Variants in SPATC1L observed in about 807,000 individuals in gnomAD.
SPATC1L encodes spermatogenesis and centriole associated 1 like.
A neutral mutation model predicts 21.2 loss-of-function variants in SPATC1L; 20 were observed. The observed-to-expected ratio is 0.94, with a 90% CI of 0.66 to 1.37. SPATC1L has a LOEUF of 1.37. SPATC1L is among the 40% of genes most tolerant of loss of function. SPATC1L has a pLI of 0.00. For missense variants in SPATC1L, 499 were observed against 478.7 expected, an observed-to-expected ratio of 1.04 and a Z score of -0.40; for synonymous variants, 290 against 234.5, an observed-to-expected ratio of 1.24 and a Z score of -2.16.
chr21:46,161,518 G>A lies in SPATC1L; in HGVS notation c.884C>T (p.Pro295Leu), dbSNP rs1257472034. The A allele has an allele frequency of 6.2e-7, 1 of 1,609,972 alleles. No homozygotes were observed. The highest frequency in any genetic ancestry group is 8.5e-7 in the Non-Finnish European group (1 of 1,178,742). Reference sequence around the variant, plus strand: ...CAGCGCGGCCGGGCTGCTGTGCAGGGGGTTGGCGCGCAGGTCGGGCCGCTG... The same window carrying A: ...CAGCGCGGCCGGGCTGCTGTGCAGGAGGTTGGCGCGCAGGTCGGGCCGCTG... ...LKQRPDLRANPLHSSPAALRK... is the reference protein window; with the variant it reads ...LKQRPDLRANLLHSSPAALRK... Residue 295 changes from proline to leucine, a missense_variant, in exon 5 of 5, where the codon CCC (proline) becomes CTC (leucine). Coordinates refer to ENST00000291672, the MANE Select transcript of SPATC1L (RefSeq NM_001142854.2).
At chr21:46,162,262 C>T (rs1375040459) in intron 3 of SPATC1L, among the ~76,000 whole-genome samples, 195 bp from the exon 4 acceptor site, 1 of 152,166 alleles carries the variant, frequency 6.6e-6, no homozygotes, top group Non-Finnish European at 1.5e-5. Context: ...GCCTTCCCTT[C>T]CCCCTGTCCT....
At chr21:46,184,209 C>T (rs1299861213) in intron 1 of SPATC1L, 147 bp downstream of exon 1, 1 of 153,974 alleles carries the variant, frequency 6.5e-6, no homozygotes, top group African/African-American at 2.4e-5. Context: ...TGAGGACGCC[C>T]CCAACCCATG....
At position 46,184,400 on chromosome 21, in the gene SPATC1L, C is replaced by A; in HGVS notation, c.-1003G>T. 6.3e-6 allele frequency: 1 copy of A among 158,950 alleles called. No homozygotes were observed. The highest frequency in any genetic ancestry group is 1.4e-5 in the Non-Finnish European group (1 of 71,468). 9.8% of individuals were successfully genotyped at this position (158,950 alleles called of 1,614,324 possible). A position where few individuals can be genotyped will look rare whatever the true frequency, so the allele number is the denominator to read the frequency against. On this transcript the variant is annotated 5_prime_UTR_variant, in exon 1 of 5. Coordinates refer to ENST00000291672, the MANE Select transcript of SPATC1L (RefSeq NM_001142854.2). ...TCCGAGGGTCTTGTTTTATCAGCAG[C>A]CGGGATGCAACAGATGGGTCATCTC...
Position 46,182,852 on chromosome 21 carries a change from G to A in SPATC1L, c.-36C>T, listed in dbSNP as rs2079687057. On this transcript the variant is annotated 5_prime_UTR_variant, in exon 2 of 5. The change creates a premature stop within an existing upstream ORF in the 5' untranslated region. Transcript: ENST00000291672. ...TCCCTCCTTGTCCCTCACGGCTCCT[G>A]CAGCCCCATGGAGGTGGGAGCCCAG... The A allele has an allele frequency of 2.0e-6, 3 of 1,480,608 alleles. No homozygotes were observed. Among genetic ancestry groups the A allele is most frequent in the Admixed American group, 2.2e-5 (1 of 45,884 alleles). 91.7% of individuals were successfully genotyped at this position (1,480,608 alleles called of 1,614,324 possible).
In SPATC1L at chr21:46,161,303, G is replaced by T; in HGVS notation, c.*76C>A. ...GACGCGGCCCTTTCCCCTCCGGGGGGACGCGCAGGAGGCACCGCGGCCCCG... is the reference window on the plus strand; with the variant it reads ...GACGCGGCCCTTTCCCCTCCGGGGGTACGCGCAGGAGGCACCGCGGCCCCG... On this transcript the variant is annotated 3_prime_UTR_variant, in exon 5 of 5. Coordinates refer to ENST00000291672, the MANE Select transcript of SPATC1L (RefSeq NM_001142854.2). The T allele has an allele frequency of 7.4e-7, 1 of 1,349,450 alleles. No individual in the cohort carries two copies. Among genetic ancestry groups the T allele is most frequent in the Non-Finnish European group, 9.7e-7 (1 of 1,028,444 alleles). The allele number at this position is 1,349,450 out of a possible 1,614,324, so 83.6% of individuals were successfully genotyped here.
chr21:46,183,382 CT>C lies in SPATC1L; in HGVS notation c.-567del, dbSNP rs2079693110. The C allele has an allele frequency of 1.2e-5, 2 of 163,994 alleles. No individual in the cohort carries two copies. The highest frequency in any genetic ancestry group is 3.2e-5 in the African/African-American group (1 of 31,476). The allele number at this position is 163,994 out of a possible 1,614,324, so 10.2% of individuals were successfully genotyped here. A position where few individuals can be genotyped will look rare whatever the true frequency, so the allele number is the denominator to read the frequency against. The stretch of plus-strand genomic sequence containing the variant: ...GCACCCACACTTGAGGAGGGAGGGA[CT>C]GGCAAGGGCAGTGGGAGGAGACCAG... On this transcript the variant is annotated 5_prime_UTR_variant, in exon 2 of 5. An upstream open reading frame in the 5' UTR gains an earlier in-frame stop. Transcript: ENST00000291672.
chr21:46,164,170 G>A (rs2079523390), intron 3 of SPATC1L, among the ~76,000 whole-genome samples: 1 of 152,078 alleles, frequency 6.6e-6, no homozygotes, highest in South Asian at 2.1e-4. Flanking sequence ...ACCACGACCA[G>A]CTAACTTGGG....
rs1013872751 is a variant in SPATC1L at position 46,161,273 on chromosome 21, C to T, written c.*106G>A. On this transcript the variant is annotated 3_prime_UTR_variant, in exon 5 of 5. Transcript: ENST00000291672. Reference sequence around the variant, plus strand: ...GCGGGGCCTTCTCTGGCCTCGCGCGCGGGGGACGCGGCCCTTTCCCCTCCG... The same window carrying T: ...GCGGGGCCTTCTCTGGCCTCGCGCGTGGGGGACGCGGCCCTTTCCCCTCCG... 3.2e-5 allele frequency: 36 copies of T among 1,138,192 alleles called. No individual in the cohort carries two copies. The highest frequency in any genetic ancestry group is 2.8e-4 in the Middle Eastern group (1 of 3,590). 70.5% of individuals were successfully genotyped at this position (1,138,192 alleles called of 1,614,324 possible).
chr21:46,183,974 G>GGGAGAGACCAGCCTAGGGT (rs2079703649), intron 1 of SPATC1L, among the ~76,000 whole-genome samples, 200 bp from the exon 2 acceptor site: 1 of 147,600 alleles, frequency 6.8e-6, no homozygotes, highest in Admixed American at 6.8e-5. Context: ...CCAGTCTTGC[G>GGGAGAGACCAGCCTAGGGT]GGGGAGACCA....
At position 46,162,071 on chromosome 21, in the gene SPATC1L, G is replaced by C. The variant is rs2079502676; in HGVS notation, c.545-4C>G. ...GCGCCCGCGAAGCTCTGGATCTCTGGGGGAGGGAAGGCCGGGGACAAGGTC... is the reference window on the plus strand; with the variant it reads ...GCGCCCGCGAAGCTCTGGATCTCTGCGGGAGGGAAGGCCGGGGACAAGGTC... On this transcript the variant is annotated splice_polypyrimidine_tract_variant and splice_region_variant and intron_variant, in intron 3 of 4. Coordinates refer to ENST00000291672, the MANE Select transcript of SPATC1L (RefSeq NM_001142854.2). 2 of 1,567,250 alleles carry C rather than the reference G, an allele frequency of 1.3e-6. No individual in the cohort carries two copies. Among genetic ancestry groups the C allele is most frequent in the Non-Finnish European group, 8.6e-7 (1 of 1,158,720 alleles).
chr21:46,174,061 C>T (rs1191548416), intron 2 of SPATC1L, among the ~76,000 whole-genome samples: 1 of 152,148 alleles, frequency 6.6e-6, no homozygotes, highest in African/African-American at 2.4e-5. Context: ...GGCATGGTGG[C>T]TCATGTCTGT....
In SPATC1L at chr21:46,183,331, C is replaced by A; in HGVS notation, c.-515G>T. ...GGCACCCAGGGCAGCAACTGATGTGCAGGTGTTCATCAGGGTCCGTCCTTG... is the reference window on the plus strand; with the variant it reads ...GGCACCCAGGGCAGCAACTGATGTGAAGGTGTTCATCAGGGTCCGTCCTTG... On this transcript the variant is annotated 5_prime_UTR_variant, in exon 2 of 5. Transcript: ENST00000291672. 5.9e-6 allele frequency: 1 copy of A among 169,690 alleles called. No homozygotes were observed. Among genetic ancestry groups the A allele is most frequent in the South Asian group, 1.2e-4 (1 of 8,458 alleles). 10.5% of individuals were successfully genotyped at this position (169,690 alleles called of 1,614,324 possible).
At position 46,161,660 on chromosome 21, in the gene SPATC1L, G is replaced by A. The variant is rs745355464; in HGVS notation, c.742C>T (p.Arg248Cys). The A allele has an allele frequency of 2.4e-5, 39 of 1,608,402 alleles. No individual in the cohort carries two copies. The East Asian group carries it at 3.6e-4, about 15-fold the overall frequency. Residue 248 changes from arginine (R) to cysteine (C), a missense_variant, in exon 5 of 5, where the codon CGC (arginine) becomes TGC (cysteine). Transcript: ENST00000291672. ...GCCAGGTAGCGCTGCGTCAGCTCGC[G>A]CAGCTTCCTCTCGTCCACGGAGCCG... ...LDGSVDERKLRELTQRYLALS... is the reference protein window; with the variant it reads ...LDGSVDERKLCELTQRYLALS...
At chr21:46,180,091 C>T (rs2079660928) in intron 2 of SPATC1L, among the ~76,000 whole-genome samples, 1 of 152,258 alleles carries the variant, frequency 6.6e-6, no homozygotes, top group African/African-American at 2.4e-5. Context: ...CTACACAAAG[C>T]CACAGGGCGC....
chr21:46,169,203 GCAAA>G, intron 2 of SPATC1L, among the ~76,000 whole-genome samples: 1 of 152,364 alleles, frequency 6.6e-6, no homozygotes, highest in East Asian at 1.9e-4. Context: ...ATGTTTCCGT[GCAAA>G]CACACAGCTG....
At chr21:46,164,913 T>A (rs759362736) in intron 3 of SPATC1L, among the ~76,000 whole-genome samples, 3 of 152,066 alleles carry the variant, frequency 2.0e-5, no homozygotes, top group Non-Finnish European at 4.4e-5. Flanking sequence ...AGAAATGATT[T>A]CTAGTCCAAC....
At chr21:46,178,589 T>A (rs1006727029) in intron 2 of SPATC1L, among the ~76,000 whole-genome samples, 5 of 152,034 alleles carry the variant, frequency 3.3e-5, no homozygotes, top group African/African-American at 4.8e-5. Flanking sequence ...AAAAGTTTTT[T>A]AAAAAAGAAA....
chr21:46,166,685 G>T (rs1422190326), intron 3 of SPATC1L, among the ~76,000 whole-genome samples: 1 of 152,068 alleles, frequency 6.6e-6, no homozygotes, highest in Non-Finnish European at 1.5e-5. Flanking sequence ...GACAAAGAAG[G>T]TCATTATATA....
In SPATC1L at chr21:46,168,676, G is replaced by C. The variant is rs1275289432; in HGVS notation, c.194-18C>G. On this transcript the variant is annotated intron_variant, in intron 2 of 4. Coordinates refer to ENST00000291672, the MANE Select transcript of SPATC1L (RefSeq NM_001142854.2). ...ATCTGGAACTGAGGCGGGGAGGAAA[G>C]GGATGAGAAATCAGGCTGATGCTCC... The C allele has an allele frequency of 7.4e-7, 1 of 1,356,084 alleles. No homozygotes were observed. Among genetic ancestry groups the C allele is most frequent in the Non-Finnish European group, 9.6e-7 (1 of 1,040,078 alleles). The allele number at this position is 1,356,084 out of a possible 1,614,324, so 84.0% of individuals were successfully genotyped here.
Sources: gnomAD v4.1 joint callset for allele counts (sites outside exome capture counted in the v4.1 genomes callset) on GRCh38, gnomAD v4.1.1 for gene constraint, MANE v1.5 for transcripts, NCBI Gene and HGNC (gene_info 2026-07-23, HGNC 2026-07-21) for gene names.